The following RBM33 variants were observed in gnomAD, a reference collection of about 807,000 sequenced individuals.
RBM33 encodes RNA binding motif protein 33, also known as RNA-binding protein 33.
Under a neutral mutation model 132.6 loss-of-function variants are expected in RBM33, and 28 were observed. The observed-to-expected ratio is 0.21, with a 90% CI of 0.16 to 0.29. The LOEUF is 0.29. Among genes scored for constraint, RBM33 ranks in the 10% least tolerant of loss-of-function variants. The probability of loss-of-function intolerance (pLI) is 1.00; values close to 1 mark genes in which losing one functional copy is unlikely to be tolerated. For synonymous variants in RBM33, 634 were observed against 593.0 expected (o/e 1.07, Z -1.01); for missense variants, 1,291 against 1,518.5 (o/e 0.85, Z 2.49).
intron 2 of RBM33, among the ~76,000 whole-genome samples, chr7:155,669,785 A>C (rs541740597): frequency 1.3e-5 from 2 of 152,198 alleles, no homozygotes; most frequent in Non-Finnish European, 2.9e-5. Context: ...CCTAGGGCCC[A>C]GTGAAGGCTG....
intron 6 of RBM33, among the ~76,000 whole-genome samples, chr7:155,704,470 TG>T (rs1207672596): frequency 1.3e-5 from 2 of 152,180 alleles, no homozygotes; most frequent in Admixed American, 1.3e-4. Context: ...AGAGTAGGCA[TG>T]TGTAAGGAAT....
rs577974562 is a variant in RBM33, at chr7:155,753,189, A to G, written c.2979+7587A>G. On this transcript the variant is annotated intron_variant, in intron 14 of 17. Transcript: ENST00000401878. The stretch of plus-strand genomic sequence containing the variant: ...TAGATGATACCAGTAAGTAAGCAAA[A>G]TTTGGAAAAAGACAAAAAGCATGAA... Among the ~76,000 whole-genome samples the G allele has an allele frequency of 1.6e-4, 25 of 152,308 alleles. No homozygotes were observed. In the South Asian group the frequency reaches 5.2e-3, roughly 32 times the overall value.
At chr7:155,756,321 T>C (rs1801849683) in intron 14 of RBM33, among the ~76,000 whole-genome samples, 1 of 152,214 alleles carries the variant, frequency 6.6e-6, no homozygotes. Flanking sequence ...TATAAATAAA[T>C]GGGTAGATTT....
intron 9 of RBM33, among the ~76,000 whole-genome samples, chr7:155,729,237 A>C (rs1585497247): frequency 6.6e-6 from 1 of 152,210 alleles, no homozygotes; most frequent in East Asian, 1.9e-4. Context: ...CCCATGATCC[A>C]GTCACCACCC....
At chr7:155,714,336 G>T (rs187913098) in intron 8 of RBM33, among the ~76,000 whole-genome samples, 85 of 152,274 alleles carry the variant, frequency 5.6e-4, no homozygotes, top group Admixed American at 2.0e-3. Context: ...AGGCTGAGAT[G>T]GTGAAAAGGA....
At chr7:155,672,970 CAT>C in intron 3 of RBM33, 55 bp downstream of exon 3, 1 of 1,229,554 alleles carries the variant, frequency 8.1e-7, no homozygotes, top group African/African-American at 1.5e-5. Flanking sequence ...TTATACTTAA[CAT>C]ACAGCAGTAA....
intron 3 of RBM33, among the ~76,000 whole-genome samples, chr7:155,677,923 C>T (rs535361943): frequency 6.6e-6 from 1 of 152,146 alleles, no homozygotes; most frequent in East Asian, 1.9e-4. Flanking sequence ...AAGGGAGGAA[C>T]GTGTGAAGTA....
At chr7:155,712,570 T>C (rs1800338004) in intron 8 of RBM33, among the ~76,000 whole-genome samples, 1 of 152,152 alleles carries the variant, frequency 6.6e-6, no homozygotes, top group South Asian at 2.1e-4. Flanking sequence ...GTATCTTAAA[T>C]GGGGTGATCA....
intron 5 of RBM33, among the ~76,000 whole-genome samples, chr7:155,688,765 G>A (rs1799548066): frequency 6.6e-6 from 1 of 152,164 alleles, no homozygotes; most frequent in South Asian, 2.1e-4. Flanking sequence ...CTGTTTATAT[G>A]CTGGATTATG....
chr7:155,754,753 A>G (rs1257191331), intron 14 of RBM33, among the ~76,000 whole-genome samples: 2 of 152,256 alleles, frequency 1.3e-5, no homozygotes, highest in Non-Finnish European at 2.9e-5. Context: ...CGTTCTCACC[A>G]TACCGTACTA....
chr7:155,712,639 T>G (rs1195462294), intron 8 of RBM33, among the ~76,000 whole-genome samples: 1 of 152,228 alleles, frequency 6.6e-6, no homozygotes, highest in African/African-American at 2.4e-5. Flanking sequence ...GCAATGTGGC[T>G]GTTCAGGGAA....
At chr7:155,753,699 A>C (rs1920453) in intron 14 of RBM33, among the ~76,000 whole-genome samples, 36,699 of 152,100 alleles carry the variant, frequency 0.24, 4,710 homozygotes, top group African/African-American at 0.33. Flanking sequence ...ACTGAGTGTA[A>C]ATGGCTTTTG....
chr7:155,696,404 A>G (rs1799795691), intron 5 of RBM33, among the ~76,000 whole-genome samples: 1 of 152,166 alleles, frequency 6.6e-6, no homozygotes, highest in Non-Finnish European at 1.5e-5. Context: ...TTCAATCTAT[A>G]TCCATTTCTT....
At chr7:155,769,994 TTGTC>T (rs1177034390) in intron 16 of RBM33, among the ~76,000 whole-genome samples, 1 of 152,154 alleles carries the variant, frequency 6.6e-6, no homozygotes, top group African/African-American at 2.4e-5. Flanking sequence ...AACACAGAGC[TTGTC>T]TGTGCTTTAG....
chr7:155,741,425 A>G (rs1265603437), intron 12 of RBM33, among the ~76,000 whole-genome samples: 1 of 152,218 alleles, frequency 6.6e-6, no homozygotes, highest in Non-Finnish European at 1.5e-5. Flanking sequence ...TTAAGTGACT[A>G]GGTAAAATAG....
chr7:155,675,514 C>T (rs1039821229), intron 3 of RBM33, among the ~76,000 whole-genome samples: 5 of 151,972 alleles, frequency 3.3e-5, no homozygotes, highest in East Asian at 1.9e-4. Flanking sequence ...TTTTTTTAAA[C>T]CCTTTTTGTG....
chr7:155,705,004 A>C (rs1445369306), intron 6 of RBM33, among the ~76,000 whole-genome samples: 3 of 152,180 alleles, frequency 2.0e-5, no homozygotes, highest in Admixed American at 6.5e-5. Flanking sequence ...TATTTTGCCA[A>C]ACAAATTGTG....
In RBM33 at chr7:155,777,375, C is replaced by A. The variant is rs1476755672; in HGVS notation, c.*2334C>A. ...GCCCGCCTTAAAGCGCTGATTAGAA[C>A]AGTCCAACACAGTCCGACCTCACTC... is the stretch of plus-strand genomic sequence containing the variant. On this transcript the variant is annotated 3_prime_UTR_variant, in exon 18 of 18. Coordinates refer to ENST00000401878, the MANE Select transcript of RBM33 (RefSeq NM_053043.3). 1 of 152,222 alleles carries A rather than the reference C, an allele frequency of 6.6e-6. No homozygotes were observed. The highest frequency in any genetic ancestry group is 1.5e-5 in the Non-Finnish European group (1 of 68,036). 9.4% of individuals were successfully genotyped at this position (152,222 alleles called of 1,614,324 possible).
chr7:155,715,329 A>T (rs1024766401), intron 8 of RBM33, among the ~76,000 whole-genome samples: 4 of 152,156 alleles, frequency 2.6e-5, no homozygotes, highest in Non-Finnish European at 4.4e-5. Flanking sequence ...ATTCTTGTGC[A>T]TTTCCTTGTA....
Sources: allele counts gnomAD v4.1 joint callset (sites outside exome capture counted in the v4.1 genomes callset), GRCh38; gene constraint gnomAD v4.1.1; transcripts MANE v1.5; gene names NCBI Gene and HGNC (gene_info 2026-07-23, HGNC 2026-07-21).